ADK: variants seen among roughly 807,000 people sequenced by gnomAD.
The protein encoded by ADK is adenosine kinase.
A neutral mutation model predicts 44.7 loss-of-function variants in ADK; 24 were observed. The observed-to-expected ratio is 0.54, with a 90% confidence interval of 0.39 to 0.76. The LOEUF (loss-of-function observed/expected upper bound fraction) is 0.76. Ranked by LOEUF, ADK falls within the 30% of genes least tolerant of loss-of-function variation. The probability of loss-of-function intolerance (pLI) is 0.00; values close to 1 mark genes in which losing one functional copy is unlikely to be tolerated. For synonymous variants in ADK, 128 were observed against 142.6 expected (o/e 0.90, Z 0.73); for missense variants, 321 against 425.1 (o/e 0.76, Z 2.15).
chr10:74,557,324 AT>A (rs1850291112), intron 7 of ADK, among the ~76,000 whole-genome samples: 1 of 152,196 alleles, frequency 6.6e-6, no homozygotes, highest in African/African-American at 2.4e-5. Flanking sequence ...CTCAGTTATA[AT>A]TTAAAAACCA....
intron 4 of ADK, among the ~76,000 whole-genome samples, chr10:74,367,827 A>G (rs1003542495): frequency 1.3e-5 from 2 of 152,180 alleles, no homozygotes; most frequent in African/African-American, 4.8e-5. Flanking sequence ...TATGCTGTCT[A>G]GTGTTTCTAA....
At chr10:74,152,251 TAGG>T (rs1164197324) in intron 1 of ADK, among the ~76,000 whole-genome samples, 2 of 152,206 alleles carry the variant, frequency 1.3e-5, no homozygotes, top group African/African-American at 4.8e-5. Context: ...AAAGGACACT[TAGG>T]GGCCTGGTGG....
intron 3 of ADK, among the ~76,000 whole-genome samples, chr10:74,236,522 A>G (rs1844963498): frequency 1.3e-5 from 2 of 152,230 alleles, no homozygotes. Flanking sequence ...AATGATTCTT[A>G]TTCTTTTTGT....
intron 1 of ADK, among the ~76,000 whole-genome samples, chr10:74,161,143 C>G (rs1197283304): frequency 6.6e-6 from 1 of 152,174 alleles, no homozygotes; most frequent in Non-Finnish European, 1.5e-5. Flanking sequence ...CTCTTAGTGC[C>G]TCATAACTGA....
At chr10:74,253,792 G>A (rs1845732532) in intron 3 of ADK, among the ~76,000 whole-genome samples, 3 of 143,004 alleles carry the variant, frequency 2.1e-5, no homozygotes. Context: ...TTTTAAGATG[G>A]AGTCTCCTCT....
chr10:74,637,649 C>T (rs1252828111), intron 9 of ADK, among the ~76,000 whole-genome samples: 3 of 152,196 alleles, frequency 2.0e-5, no homozygotes, highest in African/African-American at 7.2e-5. Context: ...CAGAGATTTT[C>T]CTAGAAAGTA....
At chr10:74,234,156 G>T (rs568904134) in intron 3 of ADK, among the ~76,000 whole-genome samples, 28 of 152,174 alleles carry the variant, frequency 1.8e-4, no homozygotes, top group Non-Finnish European at 1.5e-4. Flanking sequence ...TATAGACTTG[G>T]GGGTCTTGAG....
chr10:74,171,830 G>C (rs1842169262), intron 1 of ADK, among the ~76,000 whole-genome samples: 1 of 151,206 alleles, frequency 6.6e-6, no homozygotes. Context: ...GTGTGTGTGT[G>C]TGTGTGTGTG....
intron 4 of ADK, among the ~76,000 whole-genome samples, chr10:74,382,961 C>A (rs192693165): frequency 1.3e-5 from 2 of 151,856 alleles, no homozygotes; most frequent in East Asian, 3.9e-4. Flanking sequence ...TTTTCCCCCC[C>A]TCCTCTCACA....
intron 10 of ADK, among the ~76,000 whole-genome samples, chr10:74,705,767 T>G (rs1856582296): frequency 1.3e-5 from 2 of 152,312 alleles, no homozygotes; most frequent in Middle Eastern, 3.4e-3. Context: ...TGTGTGAGAG[T>G]TCCAGTTGAT....
intron 6 of ADK, among the ~76,000 whole-genome samples, chr10:74,460,122 C>CT (rs1168409143): frequency 2.0e-5 from 3 of 152,172 alleles, no homozygotes; most frequent in African/African-American, 7.2e-5. Context: ...AGATGTGAAA[C>CT]TGTTTCTTCA....
intron 6 of ADK, among the ~76,000 whole-genome samples, chr10:74,448,735 T>TA (rs2133176037): frequency 6.6e-6 from 1 of 152,312 alleles, no homozygotes. Context: ...CAAGAATTGT[T>TA]AGGAATTCCT....
At chr10:74,407,492 CT>C (rs1365359610) in intron 6 of ADK, among the ~76,000 whole-genome samples, 1 of 152,000 alleles carries the variant, frequency 6.6e-6, no homozygotes, top group Non-Finnish European at 1.5e-5. Flanking sequence ...AATTCTGTCA[CT>C]TTTTTTTAAT....
chr10:74,231,263 A>G (rs1844752799), intron 3 of ADK, among the ~76,000 whole-genome samples: 1 of 152,188 alleles, frequency 6.6e-6, no homozygotes, highest in South Asian at 2.1e-4. Flanking sequence ...AAATGTATAC[A>G]TTTTACAACC....
chr10:74,667,994 T>C (rs1399025813), intron 9 of ADK, among the ~76,000 whole-genome samples: 1 of 152,212 alleles, frequency 6.6e-6, no homozygotes. Context: ...TATTTATATA[T>C]AATTATTTTC....
intron 6 of ADK, among the ~76,000 whole-genome samples, chr10:74,422,901 T>C (rs1346063935): frequency 2.0e-5 from 3 of 152,116 alleles, no homozygotes; most frequent in Non-Finnish European, 4.4e-5. Context: ...TTCTATGGTT[T>C]CCCAGCTGGG....
chr10:74,453,723 ATAATTTATAAACT>A (rs1200121337), intron 6 of ADK, among the ~76,000 whole-genome samples: 2 of 152,128 alleles, frequency 1.3e-5, no homozygotes, highest in African/African-American at 4.8e-5. Context: ...ATTAAAAGTA[ATAATTTATAAACT>A]TATAATTCAA....
chr10:74,384,324 GTGGAA>G lies in ADK; in HGVS notation c.274-9815_274-9811del, dbSNP rs372004560. Among the ~76,000 whole-genome samples the G allele has an allele frequency of 1.3e-3, 198 of 152,216 alleles. 1 individual carries two copies. Among genetic ancestry groups the G allele is most frequent in the African/African-American group, 4.5e-3 (186 of 41,538 alleles). ...GTCTTGAACAGCAAATTACAATTAA[GTGGAA>G]TTAATTCTATGATAGGAATGATACA... On this transcript the variant is annotated intron_variant, in intron 4 of 10. Coordinates refer to ENST00000539909, the MANE Select transcript of ADK (RefSeq NM_006721.4).
intron 8 of ADK, among the ~76,000 whole-genome samples, chr10:74,596,425 G>A (rs1035694866): frequency 1.3e-5 from 2 of 152,138 alleles, no homozygotes; most frequent in Middle Eastern, 3.2e-3. Context: ...GCCTCACTCT[G>A]TTGCCCTGAC....
Sources: gnomAD v4.1 joint callset for allele counts (sites outside exome capture counted in the v4.1 genomes callset) on GRCh38, gnomAD v4.1.1 for gene constraint, MANE v1.5 for transcripts, NCBI Gene and HGNC (gene_info 2026-07-23, HGNC 2026-07-21) for gene names.